RGS5: variants seen among roughly 807,000 people sequenced by gnomAD.
RGS5 encodes the protein regulator of G protein signaling 5, also known as regulator of G-protein signalling 5.
A neutral mutation model predicts 18.9 loss-of-function variants in RGS5; 20 were observed. The observed-to-expected ratio is 1.06, with a 90% confidence interval of 0.74 to 1.54. The LOEUF is 1.54. Ranked by LOEUF, RGS5 falls within the 40% of genes most tolerant of loss-of-function variation. The pLI is 0.00. For missense variants in RGS5, 201 were observed against 211.8 expected, an observed-to-expected ratio of 0.95 and a Z score of 0.32; for synonymous variants, 57 against 76.2, an observed-to-expected ratio of 0.75 and a Z score of 1.31.
At chr1:163,249,747 C>T (rs573454077) in intron 2 of RGS5, among the ~76,000 whole-genome samples, 80 of 152,186 alleles carry the variant, frequency 5.3e-4, no homozygotes, top group Non-Finnish European at 7.8e-4. Context: ...GCTGAGATCA[C>T]GCCACCGCAC....
intron 2 of RGS5, among the ~76,000 whole-genome samples, chr1:163,272,125 T>G (rs1648737173): frequency 6.6e-6 from 1 of 151,990 alleles, no homozygotes; most frequent in Non-Finnish European, 1.5e-5. Flanking sequence ...ATAGACATTC[T>G]TGTGGGTGTA....
chr1:163,163,039 CGGG>C (rs148165074), intron 2 of RGS5, among the ~76,000 whole-genome samples: 54,134 of 132,050 alleles, frequency 0.41, 11,073 homozygotes, highest in Admixed American at 0.54. Flanking sequence ...AATGATATTT[CGGG>C]GGGGGGGGTG....
intron 1 of RGS5, among the ~76,000 whole-genome samples, chr1:163,216,304 G>A (rs1255334563): frequency 6.6e-6 from 1 of 152,090 alleles, no homozygotes; most frequent in Admixed American, 6.6e-5. Flanking sequence ...GGGACATGAG[G>A]CACCATTTGA....
rs967454627 is a variant in RGS5, at chr1:163,146,270, G to A, written c.*1072C>T. 1.4e-5 allele frequency: 2 copies of A among 147,830 alleles called. No homozygotes were observed. The highest frequency in any genetic ancestry group is 2.1e-4 in the South Asian group (1 of 4,716). The allele number at this position is 147,830 out of a possible 1,614,324, so 9.2% of individuals were successfully genotyped here. On this transcript the variant is annotated 3_prime_UTR_variant, in exon 5 of 5. Transcript: ENST00000313961. ...TTTTTTTTTTTTTGCAAAATGCAGT[G>A]TACCTTAAAAGTGTCTCACCTAGAA... is the stretch of plus-strand genomic sequence containing the variant.
At chr1:163,178,464 A>AT (rs1426397246) in intron 1 of RGS5, among the ~76,000 whole-genome samples, 1 of 152,134 alleles carries the variant, frequency 6.6e-6, no homozygotes, top group African/African-American at 2.4e-5. Context: ...CCACTTATGC[A>AT]TTTTCAGGAG....
At chr1:163,283,075 A>T (rs995259935) in intron 2 of RGS5, among the ~76,000 whole-genome samples, 1 of 152,178 alleles carries the variant, frequency 6.6e-6, no homozygotes, top group South Asian at 2.1e-4. Flanking sequence ...TGTGGCAATT[A>T]AAAAAATGAG....
At chr1:163,217,761 A>G (rs1236176024), upstream of RGS5, 2 of 891,226 alleles carry the variant, frequency 2.2e-6, no homozygotes, top group South Asian at 2.3e-5. Context: ...GAATTCTACC[A>G]TTGTGCGAAA....
upstream of RGS5, chr1:163,206,909 T>C (rs1318657770): frequency 6.6e-6 from 1 of 152,216 alleles, no homozygotes. Context: ...ATTATTGGTA[T>C]GTGTTTTGAT....
intron 2 of RGS5, among the ~76,000 whole-genome samples, chr1:163,234,704 T>C (rs1046580924): frequency 1.3e-5 from 2 of 152,202 alleles, no homozygotes; most frequent in African/African-American, 4.8e-5. Context: ...TATTGTGTAA[T>C]AAAACACACA....
At chr1:163,229,033 T>C (rs1386570796) in intron 2 of RGS5, among the ~76,000 whole-genome samples, 1 of 152,224 alleles carries the variant, frequency 6.6e-6, no homozygotes, top group African/African-American at 2.4e-5. Flanking sequence ...CTCCAAACTG[T>C]TCCAACCTCT....
intron 1 of RGS5, among the ~76,000 whole-genome samples, chr1:163,194,829 G>T (rs1192487615): frequency 3.3e-5 from 5 of 152,056 alleles, no homozygotes; most frequent in African/African-American, 1.2e-4. Context: ...TAGAATTATT[G>T]TTAACTTTTA....
chr1:163,307,883 C>A (rs1431447606), intron 1 of RGS5, among the ~76,000 whole-genome samples: 1 of 152,174 alleles, frequency 6.6e-6, no homozygotes, highest in Non-Finnish European at 1.5e-5. Flanking sequence ...TAAACTGAGA[C>A]TTAAAGATGT....
rs556303658 is a variant in RGS5 at position 163,259,366 on chromosome 1, G to A, written c.-281+46867C>T. Among the ~76,000 whole-genome samples, 347 of 149,824 alleles carry A rather than the reference G, an allele frequency of 2.3e-3. 2 individuals are homozygous for A. Among genetic ancestry groups the A allele is most frequent in the African/African-American group, 8.1e-3 (328 of 40,590 alleles). On this transcript the variant is annotated intron_variant, in intron 2 of 5. Transcript: ENST00000618415. ...TTTTCAGTAGAGACGGGGTTTCACC[G>A]TGTTAGCCGGGATGGTCTCGATCTC...
At chr1:163,183,378 T>G (rs12566267) in intron 1 of RGS5, among the ~76,000 whole-genome samples, 31,709 of 152,172 alleles carry the variant, frequency 0.21, 3,739 homozygotes, top group African/African-American at 0.32. Context: ...GTCAGGCACT[T>G]TACTGGATGC....
rs867080902 is a variant in RGS5, at chr1:163,249,706, G to A, written c.-281+56527C>T. Among the ~76,000 whole-genome samples the A allele has an allele frequency of 2.6e-5, 4 of 152,112 alleles. No homozygotes were observed. In the South Asian group the frequency reaches 6.2e-4, roughly 24 times the overall value. On this transcript the variant is annotated intron_variant, in intron 2 of 5. Transcript: ENST00000618415. ...CTTGGGAGGCTGAGGCAGGAGAATC[G>A]CTTGAAACCAGGAGGCAGAGGTTGC...
chr1:163,206,207 A>G (rs1659950182), upstream of RGS5, among the ~76,000 whole-genome samples: 1 of 152,184 alleles, frequency 6.6e-6, no homozygotes, highest in Non-Finnish European at 1.5e-5. Flanking sequence ...TATATTAAAT[A>G]TAGTCCTGCT....
intron 2 of RGS5, among the ~76,000 whole-genome samples, chr1:163,291,118 T>C (rs1199153566): frequency 7.1e-6 from 1 of 141,356 alleles, no homozygotes; most frequent in Non-Finnish European, 1.6e-5. Flanking sequence ...GAAAGATACA[T>C]AAGCCCACTT....
intron 2 of RGS5, among the ~76,000 whole-genome samples, chr1:163,272,788 A>G (rs1324604704): frequency 6.6e-6 from 1 of 152,086 alleles, no homozygotes; most frequent in African/African-American, 2.4e-5. Flanking sequence ...ATTGATCTAT[A>G]TACCTATCTT....
intron 2 of RGS5, among the ~76,000 whole-genome samples, chr1:163,305,590 T>G (rs941413581): frequency 5.3e-5 from 8 of 152,206 alleles, no homozygotes; most frequent in Admixed American, 5.2e-4. Flanking sequence ...AACATCTAAA[T>G]GATTAATAAG....
Sources: gnomAD v4.1 joint callset for allele counts (sites outside exome capture counted in the v4.1 genomes callset) on GRCh38, gnomAD v4.1.1 for gene constraint, MANE v1.5 for transcripts, NCBI Gene and HGNC (gene_info 2026-07-23, HGNC 2026-07-21) for gene names.